FBXO8: variants seen among roughly 807,000 people sequenced by gnomAD.
The protein encoded by FBXO8 is F-box protein 8.
A neutral mutation model predicts 33.4 loss-of-function variants in FBXO8; 15 were observed. That is an observed-to-expected ratio of 0.45 (90% confidence interval 0.30 to 0.69). The LOEUF (loss-of-function observed/expected upper bound fraction) is 0.69, where lower values mean the gene tolerates loss of function less well. FBXO8 is among the 30% of genes least tolerant of loss of function. FBXO8 has a pLI of 0.08. For missense variants in FBXO8, 274 were observed against 380.3 expected (o/e 0.72, Z 2.32); for synonymous variants, 132 against 131.5 (o/e 1.00, Z -0.02).
rs992187532 is a variant in FBXO8, at chr4:174,252,482, C to T, written c.456+7217G>A. Among the ~76,000 whole-genome samples, 1 of 152,104 alleles carries T rather than the reference C, an allele frequency of 6.6e-6. No individual in the cohort carries two copies. Among genetic ancestry groups the T allele is most frequent in the African/African-American group, 2.4e-5 (1 of 41,410 alleles). On this transcript the variant is annotated intron_variant, in intron 3 of 5. Transcript: ENST00000393674. This position sits in a 1 kb window ranked among gnomAD's most constrained non-coding sequence, Gnocchi z 5.1. Reference sequence around the variant, plus strand: ...ACTAATATGGCTCCAGGTTGTTGGGCTCACAGATAGCATCACAGACCCAAT... The same window carrying T: ...ACTAATATGGCTCCAGGTTGTTGGGTTCACAGATAGCATCACAGACCCAAT...
Position 174,259,366 on chromosome 4 carries a change from A to C in FBXO8, c.456+333T>G, listed in dbSNP as rs1228152141. On this transcript the variant is annotated intron_variant, in intron 3 of 5. Coordinates refer to ENST00000393674, the MANE Select transcript of FBXO8 (RefSeq NM_012180.3). This position sits in a 1 kb window ranked among gnomAD's most constrained non-coding sequence, Gnocchi z 4.3. ...AAACAGAAAAAAACTGCTGCAGATA[A>C]AATCTGATGAACACACTCTGTGTTC... 1.3e-5 allele frequency among the ~76,000 whole-genome samples: 2 copies of C among 152,064 alleles called. No individual in the cohort carries two copies. The highest frequency in any genetic ancestry group is 4.8e-5 in the African/African-American group (2 of 41,410).
At chr4:174,276,294 G>A (rs1246824312) in intron 1 of FBXO8, among the ~76,000 whole-genome samples, 1 of 152,138 alleles carries the variant, frequency 6.6e-6, no homozygotes, top group African/African-American at 2.4e-5. Flanking sequence ...CTGGAGTGCA[G>A]TGGAACAATC....
chr4:174,250,061 G>C (rs187619834), intron 3 of FBXO8, among the ~76,000 whole-genome samples: 1 of 152,012 alleles, frequency 6.6e-6, no homozygotes, highest in African/African-American at 2.4e-5. Flanking sequence ...TAAACATAGA[G>C]TTACAGTTTG....
At chr4:174,279,208 G>A (rs986151291) in intron 1 of FBXO8, among the ~76,000 whole-genome samples, 6 of 151,974 alleles carry the variant, frequency 3.9e-5, no homozygotes, top group Non-Finnish European at 7.4e-5. Context: ...GAAATAAGTC[G>A]TATTTCTATA....
Position 174,267,522 on chromosome 4 carries a change from G to A in FBXO8, c.-8-4422C>T, listed in dbSNP as rs568568428. 5.9e-5 allele frequency among the ~76,000 whole-genome samples: 9 copies of A among 152,278 alleles called. No homozygotes were observed. The highest frequency in any genetic ancestry group is 1.9e-4 in the African/African-American group (8 of 41,550). On this transcript the variant is annotated intron_variant, in intron 1 of 5. Transcript: ENST00000393674. The surrounding 1 kb of genome is among the most constrained non-coding windows in gnomAD (Gnocchi z 4.7). ...TGATCACACCACTGCACTCCAGCCT[G>A]AGTGACAGAGTGAGACCTTGCCTCT...
intron 3 of FBXO8, among the ~76,000 whole-genome samples, chr4:174,244,527 C>T (rs1264899139): frequency 6.6e-6 from 1 of 151,646 alleles, no homozygotes; most frequent in Non-Finnish European, 1.5e-5. Flanking sequence ...CAACTCTGTT[C>T]AACTTTTAGA....
chr4:174,248,562 C>A (rs1233984204), intron 3 of FBXO8, among the ~76,000 whole-genome samples: 1 of 152,058 alleles, frequency 6.6e-6, no homozygotes, highest in African/African-American at 2.4e-5. Context: ...AGAGCACACA[C>A]TGTCCACACT....
At chr4:174,266,460 A>G (rs1579033342) in intron 1 of FBXO8, among the ~76,000 whole-genome samples, 1 of 152,340 alleles carries the variant, frequency 6.6e-6, no homozygotes, top group East Asian at 1.9e-4. Flanking sequence ...AGAAAGAGTA[A>G]CATCATGAGT....
chr4:174,243,529 T>C (rs575888517), intron 3 of FBXO8, among the ~76,000 whole-genome samples: 2 of 145,180 alleles, frequency 1.4e-5, no homozygotes, highest in African/African-American at 5.0e-5. Context: ...GTGATTGCGG[T>C]TTTTGCCATT....
Position 174,241,182 on chromosome 4 carries a change from C to A in FBXO8, c.493G>T (p.Asp165Tyr). 2 of 1,609,926 alleles carry A rather than the reference C, an allele frequency of 1.2e-6. No individual in the cohort carries two copies. The highest frequency in any genetic ancestry group is 1.7e-6 in the Non-Finnish European group (2 of 1,177,220). Residue 165 changes from aspartate to tyrosine, a missense_variant, in exon 4 of 6, where the codon GAT becomes TAT. Coordinates refer to ENST00000393674, the MANE Select transcript of FBXO8 (RefSeq NM_012180.3). The surrounding 1 kb of genome is among the most constrained non-coding windows in gnomAD (Gnocchi z 4.2). ...NYFMSKGILD[D>Y]SPKEIAKFIF... is the part of the protein sequence containing the mutation. ...AACTTTGCTATTTCCTTTGGCGAAT[C>A]ATCCAGGATACCCTTGGACATAAAG... is the stretch of plus-strand genomic sequence containing the variant.
chr4:174,242,671 A>G (rs1736067459), intron 3 of FBXO8, among the ~76,000 whole-genome samples: 1 of 151,610 alleles, frequency 6.6e-6, no homozygotes. Context: ...TAATATGATA[A>G]GATGGAAAGC....
intron 3 of FBXO8, among the ~76,000 whole-genome samples, chr4:174,248,255 A>G (rs1736203279): frequency 6.6e-6 from 1 of 152,066 alleles, no homozygotes; most frequent in Non-Finnish European, 1.5e-5. Context: ...TGCTTTTATT[A>G]AGCTGCCTAT....
At chr4:174,264,740 C>T (rs1403834657) in intron 1 of FBXO8, among the ~76,000 whole-genome samples, 1 of 151,192 alleles carries the variant, frequency 6.6e-6, no homozygotes, top group Non-Finnish European at 1.5e-5. Context: ...CTACTACACA[C>T]GACACCATGG....
intron 3 of FBXO8, among the ~76,000 whole-genome samples, chr4:174,258,914 A>T (rs1307474540): frequency 6.6e-6 from 1 of 152,042 alleles, no homozygotes; most frequent in Non-Finnish European, 1.5e-5. Flanking sequence ...GTTTTTGAAA[A>T]TTAGGTAAAT....
intron 3 of FBXO8, among the ~76,000 whole-genome samples, chr4:174,244,636 A>G (rs2126417292): frequency 1.3e-5 from 2 of 151,830 alleles, no homozygotes; most frequent in South Asian, 2.1e-4. Context: ...ATGAATCATG[A>G]TGGTGTTAGT....
chr4:174,260,869 C>T (rs1012350457), intron 2 of FBXO8, among the ~76,000 whole-genome samples: 1 of 151,970 alleles, frequency 6.6e-6, no homozygotes, highest in African/African-American at 2.4e-5. Context: ...ACACCTGCTA[C>T]TTGTTGAGAC....
rs1579020908 is a variant in FBXO8 at position 174,247,504 on chromosome 4, T to C, written c.457-6286A>G. On this transcript the variant is annotated intron_variant, in intron 3 of 5. Coordinates refer to ENST00000393674, the MANE Select transcript of FBXO8 (RefSeq NM_012180.3). The surrounding 1 kb of genome is among the most constrained non-coding windows in gnomAD (Gnocchi z 4.6). ...CATTTAATTTTCTTTTAAAAAAACATTTTGAAGACTTTAAAAATAGTAATA... is the reference window on the plus strand; with the variant it reads ...CATTTAATTTTCTTTTAAAAAAACACTTTGAAGACTTTAAAAATAGTAATA... Among the ~76,000 whole-genome samples the C allele has an allele frequency of 6.6e-6, 1 of 152,024 alleles. No homozygotes were observed. The highest frequency in any genetic ancestry group is 2.4e-5 in the African/African-American group (1 of 41,436).
chr4:174,253,007 C>G lies in FBXO8; in HGVS notation c.456+6692G>C, dbSNP rs1736330843. Among the ~76,000 whole-genome samples, 1 of 151,984 alleles carries G rather than the reference C, an allele frequency of 6.6e-6. No homozygotes were observed. ...AAAATCTAAAAAATCTTTCTCTATACACATATTTTCCAACCTCATGAGTCA... is the reference window on the plus strand; with the variant it reads ...AAAATCTAAAAAATCTTTCTCTATAGACATATTTTCCAACCTCATGAGTCA... On this transcript the variant is annotated intron_variant, in intron 3 of 5. Coordinates refer to ENST00000393674, the MANE Select transcript of FBXO8 (RefSeq NM_012180.3). This position sits in a 1 kb window ranked among gnomAD's most constrained non-coding sequence, Gnocchi z 4.5.
At chr4:174,244,198 C>T (rs1232682091) in intron 3 of FBXO8, among the ~76,000 whole-genome samples, 2 of 151,514 alleles carry the variant, frequency 1.3e-5, no homozygotes, top group Non-Finnish European at 3.0e-5. Flanking sequence ...AGAACTTCTT[C>T]CCAGAATAAT....
Sources: gnomAD v4.1 joint callset for allele counts (sites outside exome capture counted in the v4.1 genomes callset) on GRCh38, gnomAD v4.1.1 for gene constraint, Gnocchi (gnomAD v3.1) non-coding constraint, MANE v1.5 for transcripts, NCBI Gene and HGNC (gene_info 2026-07-23, HGNC 2026-07-21) for gene names.